Variants in SVOP observed in about 807,000 individuals in gnomAD.
The protein encoded by SVOP is synaptic vesicle 2-related protein.
In SVOP, 17 loss-of-function variants were observed where a neutral mutation model predicts 69.1. The ratio of observed to expected loss-of-function variants is 0.25; its 90% CI spans 0.17 to 0.37. The LOEUF is 0.37. Ranked by LOEUF, SVOP falls within the 10% of genes least tolerant of loss-of-function variation. SVOP has a pLI of 1.00. For synonymous variants in SVOP, 238 were observed against 238.6 expected (o/e 1.00, Z 0.02); for missense variants, 435 against 597.5 (o/e 0.73, Z 2.84).
intron 7 of SVOP, among the ~76,000 whole-genome samples, chr12:108,941,786 C>A (rs36184936): frequency 3.3e-5 from 5 of 151,774 alleles, no homozygotes; most frequent in East Asian, 3.9e-4. Context: ...CTCAGCCTCC[C>A]GAGTAGCTGG....
At chr12:108,933,026 A>G (rs2039831377) in intron 11 of SVOP, among the ~76,000 whole-genome samples, 2 of 152,074 alleles carry the variant, frequency 1.3e-5, no homozygotes, top group South Asian at 4.2e-4. Context: ...TTACAAGCAC[A>G]TACCACCGCA....
At chr12:108,987,906 G>A (rs573545924) in intron 1 of SVOP, among the ~76,000 whole-genome samples, 17 of 129,500 alleles carry the variant, frequency 1.3e-4, no homozygotes, top group African/African-American at 4.5e-4. Context: ...GATTGTGATC[G>A]TTGAATGCAC....
chr12:108,921,665 C>G (rs186562560), intron 12 of SVOP, among the ~76,000 whole-genome samples: 1 of 152,118 alleles, frequency 6.6e-6, no homozygotes, highest in Admixed American at 6.5e-5. Context: ...GGTGCTAACT[C>G]CTTGGCACTT....
intron 4 of SVOP, among the ~76,000 whole-genome samples, chr12:108,976,977 C>G (rs532338038): frequency 6.6e-6 from 1 of 152,312 alleles, no homozygotes. Context: ...GGTTCTGCAG[C>G]CTCCTCCTTC....
At position 108,911,790 on chromosome 12, in the gene SVOP, TGAC is replaced by T. The variant is rs2039684888; in HGVS notation, c.*742_*744del. ...GCTTCAGAAGGGGAGGCCCGTGCTC[TGAC>T]TTCAGCTTGATTCACTTTGGCCTCA... On this transcript the variant is annotated 3_prime_UTR_variant, in exon 16 of 16. Coordinates refer to ENST00000610966, the MANE Select transcript of SVOP (RefSeq NM_018711.5). The T allele has an allele frequency of 6.6e-6, 1 of 152,276 alleles. No individual in the cohort carries two copies. The highest frequency in any genetic ancestry group is 6.5e-5 in the Admixed American group (1 of 15,278). 9.4% of individuals were successfully genotyped at this position (152,276 alleles called of 1,614,324 possible). A position where few individuals can be genotyped will look rare whatever the true frequency, so the allele number is the denominator to read the frequency against.
intron 1 of SVOP, among the ~76,000 whole-genome samples, chr12:109,016,450 T>A (rs927273128): frequency 6.6e-6 from 1 of 152,196 alleles, no homozygotes; most frequent in Non-Finnish European, 1.5e-5. Flanking sequence ...CAACTCCTTG[T>A]CATATACTAC....
Position 108,907,766 on chromosome 12 carries a change from T to G in SVOP, c.*4769A>C, listed in dbSNP as rs1312120480. 6.6e-6 allele frequency: 1 copy of G among 152,274 alleles called. No homozygotes were observed. The highest frequency in any genetic ancestry group is 1.5e-5 in the Non-Finnish European group (1 of 68,092). The allele number at this position is 152,274 out of a possible 1,614,324, so 9.4% of individuals were successfully genotyped here. A position where few individuals can be genotyped will look rare whatever the true frequency, so the allele number is the denominator to read the frequency against. Reference sequence around the variant, plus strand: ...GAGCCACTGCACCCAGCCAGGACCATGTCTTATGATATTTTGCATCCTCAG... The same window carrying G: ...GAGCCACTGCACCCAGCCAGGACCAGGTCTTATGATATTTTGCATCCTCAG... On this transcript the variant is annotated 3_prime_UTR_variant, in exon 16 of 16. Transcript: ENST00000610966.
chr12:108,987,593 C>T (rs1041648202), intron 1 of SVOP, among the ~76,000 whole-genome samples: 4 of 152,224 alleles, frequency 2.6e-5, no homozygotes, highest in Admixed American at 1.3e-4. Flanking sequence ...TCTCCACATC[C>T]TTGCCAATAC....
chr12:108,987,948 G>GT (rs1002995665), intron 1 of SVOP, among the ~76,000 whole-genome samples: 3 of 151,860 alleles, frequency 2.0e-5, no homozygotes, highest in African/African-American at 7.3e-5. Flanking sequence ...TTAATACAGG[G>GT]TCTCACTCTG....
intron 1 of SVOP, among the ~76,000 whole-genome samples, chr12:109,014,368 C>T (rs1937616260): frequency 6.6e-6 from 1 of 152,130 alleles, no homozygotes; most frequent in Admixed American, 6.6e-5. Flanking sequence ...GGATAGACCA[C>T]ATTTTGTTTC....
At chr12:108,936,202 T>C (rs2039855482) in intron 10 of SVOP, among the ~76,000 whole-genome samples, 1 of 150,974 alleles carries the variant, frequency 6.6e-6, no homozygotes, top group Non-Finnish European at 1.5e-5. Flanking sequence ...CCCACCACCA[T>C]GCCTGGCTAA....
At position 108,926,039 on chromosome 12, in the gene SVOP, C is replaced by G. The variant is rs565438108; in HGVS notation, c.1049-3242G>C. On this transcript the variant is annotated intron_variant, in intron 11 of 15. Transcript: ENST00000610966. ...GCTCAAGCAATTTTCCCACCTCAGC[C>G]TCCCAAATAGCTGGGACCACAGGCA... Among the ~76,000 whole-genome samples the G allele has an allele frequency of 2.6e-5, 4 of 152,142 alleles. No homozygotes were observed. In the South Asian group the frequency reaches 8.3e-4, roughly 32 times the overall value.
rs2039688424 is a variant in SVOP at position 108,912,197 on chromosome 12, T to C, written c.*338A>G. 2 of 1,171,022 alleles carry C rather than the reference T, an allele frequency of 1.7e-6. No homozygotes were observed. The highest frequency in any genetic ancestry group is 4.1e-5 in the Admixed American group (1 of 24,252). The allele number at this position is 1,171,022 out of a possible 1,614,324, so 72.5% of individuals were successfully genotyped here. A position where few individuals can be genotyped will look rare whatever the true frequency, so the allele number is the denominator to read the frequency against. On this transcript the variant is annotated 3_prime_UTR_variant, in exon 16 of 16. Coordinates refer to ENST00000610966, the MANE Select transcript of SVOP (RefSeq NM_018711.5). ...ATCTACAGAGAGATATTTTGGTTGTTCACTGAGGGTTTGGCCGGGTGACTC... is the reference window on the plus strand; with the variant it reads ...ATCTACAGAGAGATATTTTGGTTGTCCACTGAGGGTTTGGCCGGGTGACTC...
intron 5 of SVOP, among the ~76,000 whole-genome samples, chr12:108,963,817 A>T (rs1016896579): frequency 6.6e-6 from 1 of 152,078 alleles, no homozygotes; most frequent in Non-Finnish European, 1.5e-5. Flanking sequence ...AACACATTTT[A>T]AAAAATAGCT....
At chr12:109,008,971 T>G (rs1021171073) in intron 1 of SVOP, among the ~76,000 whole-genome samples, 1 of 144,578 alleles carries the variant, frequency 6.9e-6, no homozygotes, top group African/African-American at 2.6e-5. Flanking sequence ...TTTTTTTTTT[T>G]TTTTTTTTGA....
At chr12:108,982,206 TC>T (rs2137436984) in intron 2 of SVOP, among the ~76,000 whole-genome samples, 1 of 148,790 alleles carries the variant, frequency 6.7e-6, no homozygotes, top group East Asian at 2.1e-4. Context: ...CATCATGATC[TC>T]CATCATCATC....
rs936127020 is a variant in SVOP at position 108,962,834 on chromosome 12, G to A, written c.454-1787C>T. Among the ~76,000 whole-genome samples, 13 of 152,082 alleles carry A rather than the reference G, an allele frequency of 8.5e-5. 1 individual carries two copies. Among genetic ancestry groups the A allele is most frequent in the African/African-American group, 2.2e-4 (9 of 41,518 alleles). ...GCAAAAATTAGCCAGGTGGAGTGGC[G>A]GGTGCCTGTAGTCCCAGCTACTTGG... On this transcript the variant is annotated intron_variant, in intron 5 of 15. Coordinates refer to ENST00000610966, the MANE Select transcript of SVOP (RefSeq NM_018711.5).
chr12:108,964,090 C>T (rs1304689768), intron 5 of SVOP, among the ~76,000 whole-genome samples: 1 of 152,102 alleles, frequency 6.6e-6, no homozygotes, highest in African/African-American at 2.4e-5. Flanking sequence ...CAAGGTGGCT[C>T]ATGCCTGTAA....
chr12:109,014,916 G>A (rs535233893), intron 1 of SVOP, among the ~76,000 whole-genome samples: 1 of 152,230 alleles, frequency 6.6e-6, no homozygotes, highest in South Asian at 2.1e-4. Flanking sequence ...TAGAGACGGG[G>A]TCTTGCTTTG....
Sources: allele counts gnomAD v4.1 joint callset (sites outside exome capture counted in the v4.1 genomes callset), GRCh38; gene constraint gnomAD v4.1.1; transcripts MANE v1.5; gene names NCBI Gene and HGNC (gene_info 2026-07-23, HGNC 2026-07-21).